The following SNTG2 variants were observed in gnomAD, a reference collection of about 807,000 sequenced individuals.
SNTG2 encodes gamma-2-syntrophin.
Under a neutral mutation model 70.9 loss-of-function variants are expected in SNTG2, and 74 were observed. The ratio of observed to expected loss-of-function variants is 1.04; its 90% CI spans 0.86 to 1.27. The LOEUF is 1.27. Ranked by LOEUF, SNTG2 falls within the 50% of genes most tolerant of loss-of-function variation. The probability of loss-of-function intolerance (pLI) is 0.00; values close to 1 mark genes in which losing one functional copy is unlikely to be tolerated. For synonymous variants in SNTG2, 278 were observed against 273.8 expected (o/e 1.02, Z -0.15); for missense variants, 717 against 690.7 (o/e 1.04, Z -0.43).
chr2:1,350,515 T>C (rs1167954091), intron 16 of SNTG2, among the ~76,000 whole-genome samples: 1 of 152,238 alleles, frequency 6.6e-6, no homozygotes, highest in African/African-American at 2.4e-5. Context: ...TTTGGCAATT[T>C]ATAAATCACA....
chr2:1,303,701 A>G (rs1178225830), intron 14 of SNTG2, among the ~76,000 whole-genome samples: 1 of 152,198 alleles, frequency 6.6e-6, no homozygotes, highest in Non-Finnish European at 1.5e-5. Context: ...AAATTTGGCA[A>G]ATGTTTAGAA....
chr2:999,075 A>G (rs1165213655), intron 1 of SNTG2, among the ~76,000 whole-genome samples: 5 of 152,152 alleles, frequency 3.3e-5, no homozygotes, highest in Non-Finnish European at 7.4e-5. Flanking sequence ...GAAGTATAGT[A>G]TTTCCCAGAC....
chr2:1,110,223 C>T (rs925038715), intron 4 of SNTG2, among the ~76,000 whole-genome samples: 19 of 152,226 alleles, frequency 1.2e-4, no homozygotes, highest in African/African-American at 4.6e-4. Context: ...GGCCTGGACA[C>T]CTGTAAACAC....
chr2:958,812 A>G (rs1292247365), intron 1 of SNTG2, among the ~76,000 whole-genome samples: 1 of 152,200 alleles, frequency 6.6e-6, no homozygotes, highest in Non-Finnish European at 1.5e-5. Flanking sequence ...TATTTCTTAC[A>G]TAGTTTAATA....
At chr2:971,146 G>T (rs1427453222) in intron 1 of SNTG2, among the ~76,000 whole-genome samples, 3 of 152,146 alleles carry the variant, frequency 2.0e-5, no homozygotes, top group African/African-American at 7.2e-5. Context: ...AATGATGCTG[G>T]CTTCCTAGAA....
intron 6 of SNTG2, among the ~76,000 whole-genome samples, chr2:1,155,441 A>AT (rs1468674795): frequency 3.9e-5 from 6 of 152,126 alleles, no homozygotes; most frequent in Admixed American, 1.3e-4. Flanking sequence ...CACACCACAT[A>AT]TGTACACACA....
intron 4 of SNTG2, among the ~76,000 whole-genome samples, chr2:1,136,216 T>C (rs1423810982): frequency 1.3e-5 from 2 of 152,058 alleles, no homozygotes; most frequent in African/African-American, 4.8e-5. Context: ...GAGTCCATTA[T>C]TCCAGATAAT....
intron 8 of SNTG2, among the ~76,000 whole-genome samples, chr2:1,193,051 G>A (rs1672697505): frequency 1.3e-5 from 2 of 152,208 alleles, no homozygotes; most frequent in Admixed American, 6.5e-5. Context: ...GGAGGAGGGG[G>A]CTGCTGAGGA....
At chr2:971,236 T>G (rs549364969) in intron 1 of SNTG2, among the ~76,000 whole-genome samples, 1 of 152,370 alleles carries the variant, frequency 6.6e-6, no homozygotes, top group African/African-American at 2.4e-5. Context: ...TTGACTTGTC[T>G]GTGAATTTGT....
intron 1 of SNTG2, among the ~76,000 whole-genome samples, chr2:951,633 C>T (rs1196793482): frequency 6.6e-6 from 1 of 152,184 alleles, no homozygotes. Context: ...CTGGTTCCCA[C>T]CCTAAATAAC....
At chr2:1,329,289 G>A (rs1182737132) in intron 16 of SNTG2, among the ~76,000 whole-genome samples, 3 of 152,198 alleles carry the variant, frequency 2.0e-5, no homozygotes, top group South Asian at 2.1e-4. Context: ...AATGTCTATC[G>A]CATTCTAAAT....
chr2:1,037,632 G>A (rs977453766), intron 1 of SNTG2, among the ~76,000 whole-genome samples: 2 of 151,996 alleles, frequency 1.3e-5, no homozygotes, highest in Admixed American at 1.3e-4. Flanking sequence ...ATCATAGGAC[G>A]TCTGGTGCTT....
intron 6 of SNTG2, chr2:1,160,287 C>A (rs1320646571): frequency 6.6e-6 from 1 of 152,120 alleles, no homozygotes; most frequent in Non-Finnish European, 1.5e-5. Flanking sequence ...TCCAGAAGAA[C>A]ACACACAATA....
In SNTG2 at chr2:952,857, A is replaced by C. The variant is rs73908611; in HGVS notation, c.72+1789A>C. On this transcript the variant is annotated intron_variant, in intron 1 of 16. Coordinates refer to ENST00000308624, the MANE Select transcript of SNTG2 (RefSeq NM_018968.4). ...TATTGGTGTTGGCAGGTTTGTCTTG[A>C]AAACATGAATGTTCTTAGTATACAA... 9.6e-3 allele frequency among the ~76,000 whole-genome samples: 1,468 copies of C among 152,312 alleles called. 25 individuals carry two copies. The highest frequency in any genetic ancestry group is 0.034 in the African/African-American group (1,396 of 41,564).
chr2:1,290,791 AC>A (rs751624675), intron 14 of SNTG2, among the ~76,000 whole-genome samples: 56 of 151,652 alleles, frequency 3.7e-4, no homozygotes, highest in South Asian at 1.7e-3. Context: ...ACAGAGCCAA[AC>A]CATATCAATG....
chr2:1,174,289 CATATAT>C (rs10563978), intron 8 of SNTG2, among the ~76,000 whole-genome samples: 2,210 of 149,394 alleles, frequency 0.015, 50 homozygotes, highest in African/African-American at 0.051. Flanking sequence ...AAGTTTTATC[CATATAT>C]ATATATATAT....
intron 14 of SNTG2, among the ~76,000 whole-genome samples, chr2:1,302,167 G>T (rs1443556829): frequency 1.3e-5 from 2 of 152,002 alleles, no homozygotes; most frequent in Admixed American, 1.3e-4. Context: ...CATCATGTTA[G>T]CCAGGCTGGT....
chr2:1,109,667 A>C (rs1487305305), intron 4 of SNTG2, among the ~76,000 whole-genome samples: 4 of 152,008 alleles, frequency 2.6e-5, no homozygotes, highest in South Asian at 2.1e-4. Flanking sequence ...ATATCATCTC[A>C]TTAGGTACAA....
intron 1 of SNTG2, among the ~76,000 whole-genome samples, chr2:1,019,306 G>T (rs1291975288): frequency 2.0e-5 from 3 of 152,210 alleles, no homozygotes; most frequent in African/African-American, 7.2e-5. Flanking sequence ...CCATCAATGA[G>T]TGTGTTTAGA....
Sources: allele counts gnomAD v4.1 joint callset (sites outside exome capture counted in the v4.1 genomes callset), GRCh38; gene constraint gnomAD v4.1.1; transcripts MANE v1.5; gene names NCBI Gene and HGNC (gene_info 2026-07-23, HGNC 2026-07-21).